Variants in ANLN observed in about 807,000 individuals in gnomAD.
ANLN encodes the protein anillin, actin binding protein, also known as anillin.
In ANLN, 59 loss-of-function variants were observed where a neutral mutation model predicts 135.1. That is an observed-to-expected ratio of 0.44 (90% confidence interval 0.35 to 0.54). The LOEUF (loss-of-function observed/expected upper bound fraction) is 0.54, where lower values mean the gene tolerates loss of function less well. Ranked by LOEUF, ANLN falls within the 20% of genes least tolerant of loss-of-function variation. The probability of loss-of-function intolerance (pLI) is 0.00; values close to 1 mark genes in which losing one functional copy is unlikely to be tolerated. For missense variants in ANLN, 1,182 were observed against 1,340.0 expected (o/e 0.88, Z 1.84); for synonymous variants, 406 against 456.4 (o/e 0.89, Z 1.41).
At chr7:36,405,472 G>A (rs1045433424) in intron 3 of ANLN, among the ~76,000 whole-genome samples, 16 of 152,210 alleles carry the variant, frequency 1.1e-4, no homozygotes, top group African/African-American at 3.9e-4. Flanking sequence ...CTTTGGACAG[G>A]AGGGATTCCT....
At chr7:36,427,933 CAT>C (rs1283109929) in intron 20 of ANLN, among the ~76,000 whole-genome samples, 1 of 152,012 alleles carries the variant, frequency 6.6e-6, no homozygotes, top group East Asian at 1.9e-4. Flanking sequence ...TTTATATTAT[CAT>C]GTGAGATTTC....
chr7:36,441,540 G>T (rs1397654863), intron 21 of ANLN, among the ~76,000 whole-genome samples: 1 of 152,352 alleles, frequency 6.6e-6, no homozygotes, highest in Non-Finnish European at 1.5e-5. Flanking sequence ...CAGGTAAGTG[G>T]TTCTGACAGG....
chr7:36,452,586 A>G lies in ANLN; in HGVS notation c.3361A>G (p.Ile1121Val), dbSNP rs991273159. The change falls in exon 24 of 24, where the codon ATT becomes GTT. Residue 1121 changes from isoleucine (I) to valine (V), a missense_variant. Transcript: ENST00000265748. ...LWQPDACYKP[I>V]GKP ...GCAACCTGATGCTTGCTACAAACCT[A>G]TTGGAAAGCCTTAAACCGGGAAATT... 3.6e-5 allele frequency: 58 copies of G among 1,613,882 alleles called. 2 individuals are homozygous for G. Among genetic ancestry groups the G allele is most frequent in the Middle Eastern group, 1.6e-4 (1 of 6,084 alleles).
chr7:36,431,511 T>C (rs1230290743), intron 20 of ANLN, among the ~76,000 whole-genome samples: 1 of 150,678 alleles, frequency 6.6e-6, no homozygotes, highest in Non-Finnish European at 1.5e-5. Flanking sequence ...TTTAGATATC[T>C]GTCTATCTAT....
chr7:36,451,618 G>A (rs1044667522), intron 23 of ANLN, among the ~76,000 whole-genome samples: 4 of 152,202 alleles, frequency 2.6e-5, no homozygotes, highest in African/African-American at 9.7e-5. Context: ...CCAGTACATG[G>A]AATGAGCTTA....
At chr7:36,443,618 A>C in intron 21 of ANLN, 137 bp from the exon 22 acceptor site, 1 of 583,194 alleles carries the variant, frequency 1.7e-6, no homozygotes, top group Non-Finnish European at 3.1e-6. Context: ...GATAAAAGAC[A>C]TGATAAAAAA....
At chr7:36,410,821 G>A in intron 6 of ANLN, 117 bp downstream of exon 6, 3 of 1,127,758 alleles carry the variant, frequency 2.7e-6, no homozygotes, top group Non-Finnish European at 3.8e-6. Context: ...TTGGTTTTCT[G>A]TATCACTAAT....
chr7:36,425,793 C>A, intron 18 of ANLN, 53 bp downstream of exon 18: 1 of 1,548,090 alleles, frequency 6.5e-7, no homozygotes, highest in South Asian at 1.1e-5. Flanking sequence ...TCATCTTACC[C>A]ATACAGTTTT....
intron 3 of ANLN, among the ~76,000 whole-genome samples, chr7:36,405,923 C>T (rs1787167210): frequency 6.6e-6 from 1 of 151,388 alleles, no homozygotes. Context: ...AAAAATATAA[C>T]CTATCTTATT....
rs1183852166 is a variant in ANLN at position 36,452,694 on chromosome 7, A to G, written c.*94A>G. 3 of 1,464,586 alleles carry G rather than the reference A, an allele frequency of 2.0e-6. No homozygotes were observed. The Admixed American group carries it at 5.6e-5, about 27-fold the overall frequency. 90.7% of individuals were successfully genotyped at this position (1,464,586 alleles called of 1,614,324 possible). Reference sequence around the variant, plus strand: ...ATTTACTGATTGCATTTTATGCTTTAAGTACGAAAGGGTTTGTGCCAATAT... The same window carrying G: ...ATTTACTGATTGCATTTTATGCTTTGAGTACGAAAGGGTTTGTGCCAATAT... On this transcript the variant is annotated 3_prime_UTR_variant, in exon 24 of 24. Coordinates refer to ENST00000265748, the MANE Select transcript of ANLN (RefSeq NM_018685.5).
Position 36,426,042 on chromosome 7 carries a change from T to G in ANLN, c.2770+6T>G. The G allele has an allele frequency of 6.7e-7, 1 of 1,503,098 alleles. No individual in the cohort carries two copies. The highest frequency in any genetic ancestry group is 8.9e-7 in the Non-Finnish European group (1 of 1,124,566). The allele number at this position is 1,503,098 out of a possible 1,614,324, so 93.1% of individuals were successfully genotyped here. A position where few individuals can be genotyped will look rare whatever the true frequency, so the allele number is the denominator to read the frequency against. On this transcript the variant is annotated splice_donor_region_variant and intron_variant, in intron 19 of 23. Transcript: ENST00000265748. ...AAGCAACATTCATTCTTCAGGTGAG[T>G]GTATCTTGAACTATTTGAAACTTTA...
chr7:36,391,969 C>T lies in ANLN; in HGVS notation c.18+1925C>T, dbSNP rs139780400. On this transcript the variant is annotated intron_variant, in intron 1 of 23. Coordinates refer to ENST00000265748, the MANE Select transcript of ANLN (RefSeq NM_018685.5). Reference sequence around the variant, plus strand: ...TCTTTTTTTTTTTAAGACGGAGTCTCGCAGTGTCGCCCAGGTGACAAAACC... The same window carrying T: ...TCTTTTTTTTTTTAAGACGGAGTCTTGCAGTGTCGCCCAGGTGACAAAACC... 2.9e-4 allele frequency among the ~76,000 whole-genome samples: 44 copies of T among 150,620 alleles called. No individual in the cohort carries two copies. The East Asian group carries it at 7.6e-3, about 26-fold the overall frequency.
chr7:36,417,044 A>G (rs752647880), intron 8 of ANLN, 36 bp from the exon 9 acceptor site: 15 of 1,107,980 alleles, frequency 1.4e-5, no homozygotes, highest in Non-Finnish European at 1.7e-5. Context: ...ATAGGTTCTT[A>G]TATATATTAA....
intron 8 of ANLN, among the ~76,000 whole-genome samples, chr7:36,416,873 A>T (rs1787661927): frequency 6.6e-6 from 1 of 152,050 alleles, no homozygotes; most frequent in African/African-American, 2.4e-5. Flanking sequence ...CTGATTTTTC[A>T]CAAAATAAAT....
At chr7:36,391,886 A>G (rs1002224083) in intron 1 of ANLN, among the ~76,000 whole-genome samples, 6 of 152,106 alleles carry the variant, frequency 3.9e-5, no homozygotes, top group African/African-American at 1.4e-4. Flanking sequence ...TCTTTTCCTC[A>G]AACAAGACTG....
intron 23 of ANLN, 116 bp from the exon 24 acceptor site, chr7:36,452,361 G>A: frequency 7.4e-7 from 1 of 1,353,044 alleles, no homozygotes; most frequent in Non-Finnish European, 1.0e-6. Context: ...ATAAAAGGTG[G>A]TTAAAGGTAA....
intron 2 of ANLN, among the ~76,000 whole-genome samples, chr7:36,398,659 T>C (rs1184617972): frequency 6.6e-6 from 1 of 152,238 alleles, no homozygotes; most frequent in Non-Finnish European, 1.5e-5. Flanking sequence ...AGGTGGTATT[T>C]GGTTACATGA....
chr7:36,422,704 G>A lies in ANLN; in HGVS notation c.2371G>A (p.Ala791Thr), dbSNP rs765117225. Reference sequence around the variant, plus strand: ...CGAAGGACCTCAGAGGAAGAATAAGGCTAGTCCCCAAAGTGAATTTATGCC... The same window carrying A: ...CGAAGGACCTCAGAGGAAGAATAAGACTAGTCCCCAAAGTGAATTTATGCC... ...KNEGPQRKNK[A>T]SPQSEFMPSK... is the part of the protein sequence containing the mutation. Residue 791 changes from alanine (A) to threonine (T), a missense_variant, in exon 14 of 24, where the codon GCT becomes ACT. Transcript: ENST00000265748. 1 of 1,612,962 alleles carries A rather than the reference G, an allele frequency of 6.2e-7. No individual in the cohort carries two copies. Among genetic ancestry groups the A allele is most frequent in the South Asian group, 1.1e-5 (1 of 90,846 alleles).
Position 36,399,409 on chromosome 7 carries a change from A to G in ANLN, c.487+16A>G. The G allele has an allele frequency of 6.3e-7, 1 of 1,576,560 alleles. No homozygotes were observed. Among genetic ancestry groups the G allele is most frequent in the Non-Finnish European group, 8.6e-7 (1 of 1,158,832 alleles). Reference sequence around the variant, plus strand: ...GATATGACAGGTATGAATTGTATAGATGGTATGGCCCATACATCTGTTCCA... The same window carrying G: ...GATATGACAGGTATGAATTGTATAGGTGGTATGGCCCATACATCTGTTCCA... On this transcript the variant is annotated intron_variant, in intron 3 of 23. Transcript: ENST00000265748.
Sources: gnomAD v4.1 joint callset for allele counts (sites outside exome capture counted in the v4.1 genomes callset) on GRCh38, gnomAD v4.1.1 for gene constraint, MANE v1.5 for transcripts, NCBI Gene and HGNC (gene_info 2026-07-23, HGNC 2026-07-21) for gene names.